DNAJC17: variants seen among roughly 807,000 people sequenced by gnomAD.
DNAJC17 encodes dnaJ homolog subfamily C member 17.
A neutral mutation model predicts 48.1 loss-of-function variants in DNAJC17; 35 were observed. The ratio of observed to expected loss-of-function variants is 0.73; its 90% CI spans 0.56 to 0.96. The LOEUF is 0.96. Among genes scored for constraint, DNAJC17 ranks in the 50% least tolerant of loss-of-function variants. The pLI is 0.00. For missense variants in DNAJC17, 355 were observed against 377.1 expected (o/e 0.94, Z 0.48); for synonymous variants, 117 against 142.7 (o/e 0.82, Z 1.28).
Position 40,767,820 on chromosome 15 carries a change from C to G in DNAJC17, c.*120G>C. 6.3e-6 allele frequency: 9 copies of G among 1,439,358 alleles called. No homozygotes were observed. Among genetic ancestry groups the G allele is most frequent in the Non-Finnish European group, 8.3e-6 (9 of 1,083,050 alleles). The allele number at this position is 1,439,358 out of a possible 1,614,324, so 89.2% of individuals were successfully genotyped here. A position where few individuals can be genotyped will look rare whatever the true frequency, so the allele number is the denominator to read the frequency against. ...GGGCGCCAGGCCTGGGTGGAGCGCTCTGCGGCAGAGCCCAGCACCTTATAC... is the reference window on the plus strand; with the variant it reads ...GGGCGCCAGGCCTGGGTGGAGCGCTGTGCGGCAGAGCCCAGCACCTTATAC... On this transcript the variant is annotated 3_prime_UTR_variant, in exon 11 of 11. Transcript: ENST00000220496.
Position 40,765,855 on chromosome 15 carries a change from A to G in DNAJC17, c.*2085T>C. 6.3e-7 allele frequency: 1 copy of G among 1,584,260 alleles called. No homozygotes were observed. Among genetic ancestry groups the G allele is most frequent in the Non-Finnish European group, 8.6e-7 (1 of 1,160,566 alleles). ...GTGGGCCCCACTATGGTGGGCGATGAACAGTCGGATCCAGAGCTGATGCAG... is the reference window on the plus strand; with the variant it reads ...GTGGGCCCCACTATGGTGGGCGATGGACAGTCGGATCCAGAGCTGATGCAG... On this transcript the variant is annotated 3_prime_UTR_variant, in exon 11 of 11. Transcript: ENST00000220496.
intron 4 of DNAJC17, among the ~76,000 whole-genome samples, chr15:40,778,397 C>T (rs552535420): frequency 2.0e-4 from 30 of 152,218 alleles, no homozygotes; most frequent in Non-Finnish European, 4.4e-5. Flanking sequence ...GGATTACAGG[C>T]ACCCGCCACC....
chr15:40,779,374 TCTGC>T, intron 3 of DNAJC17, 64 bp from the exon 4 acceptor site: 1 of 1,589,514 alleles, frequency 6.3e-7, no homozygotes, highest in Non-Finnish European at 8.6e-7. Context: ...GCCCCGGCAA[TCTGC>T]CTGGCCCCTA....
At chr15:40,784,184 C>G (rs1426496306) in intron 1 of DNAJC17, among the ~76,000 whole-genome samples, 1 of 151,998 alleles carries the variant, frequency 6.6e-6, no homozygotes, top group Non-Finnish European at 1.5e-5. Flanking sequence ...CCACTGCACT[C>G]CAGCCTGGGC....
intron 10 of DNAJC17, 145 bp downstream of exon 10, chr15:40,773,582 C>T (rs1889221030): frequency 1.6e-6 from 1 of 615,414 alleles, no homozygotes; most frequent in South Asian, 2.0e-5. Context: ...CGTGAAATCA[C>T]AGCCCCTCTT....
intron 1 of DNAJC17, among the ~76,000 whole-genome samples, chr15:40,796,011 C>T (rs901065693): frequency 1.3e-5 from 2 of 152,184 alleles, no homozygotes; most frequent in African/African-American, 4.8e-5. Context: ...TCCTACCTAC[C>T]GGGTGGGAAT....
Position 40,779,617 on chromosome 15 carries a change from T to A in DNAJC17, c.149-14A>T, listed in dbSNP as rs745975361. The A allele has an allele frequency of 1.9e-6, 3 of 1,610,562 alleles. No homozygotes were observed. Among genetic ancestry groups the A allele is most frequent in the Non-Finnish European group, 2.5e-6 (3 of 1,179,208 alleles). ...GGAAGAGTTCAGCTAAACATAAGGA[T>A]CAAAAAGACAGAAGAAAAATAAAGT... On this transcript the variant is annotated splice_polypyrimidine_tract_variant and intron_variant, in intron 2 of 10. Transcript: ENST00000220496.
chr15:40,766,109 G>A lies in DNAJC17; in HGVS notation c.*1831C>T, dbSNP rs569757369. On this transcript the variant is annotated 3_prime_UTR_variant, in exon 11 of 11. Transcript: ENST00000220496. Reference sequence around the variant, plus strand: ...CTCCAACATCCCCCCTCTCCCCCACGAGGCTTGCTCTGAAAGCTTTCCACA... The same window carrying A: ...CTCCAACATCCCCCCTCTCCCCCACAAGGCTTGCTCTGAAAGCTTTCCACA... 29 of 428,570 alleles carry A rather than the reference G, an allele frequency of 6.8e-5. No homozygotes were observed. Among genetic ancestry groups the A allele is most frequent in the Non-Finnish European group, 1.1e-4 (25 of 237,100 alleles). 26.5% of individuals were successfully genotyped at this position (428,570 alleles called of 1,614,324 possible).
intron 1 of DNAJC17, 21 bp downstream of exon 1, chr15:40,807,348 C>T: frequency 1.2e-6 from 2 of 1,614,276 alleles, no homozygotes; most frequent in Non-Finnish European, 8.5e-7. Context: ...CAAGATCAGC[C>T]TTCCTCGCCA....
intron 1 of DNAJC17, among the ~76,000 whole-genome samples, chr15:40,801,528 G>A (rs1394948659): frequency 6.6e-6 from 1 of 152,068 alleles, no homozygotes; most frequent in African/African-American, 2.4e-5. Flanking sequence ...AGGCCGAGGT[G>A]GGCGGATCAC....
intron 1 of DNAJC17, among the ~76,000 whole-genome samples, chr15:40,801,298 C>T (rs1479924061): frequency 2.0e-5 from 3 of 151,910 alleles, no homozygotes; most frequent in African/African-American, 7.3e-5. Flanking sequence ...GAAATAAGTG[C>T]TAGAAAAAAG....
chr15:40,793,989 C>G (rs145329528), intron 1 of DNAJC17, among the ~76,000 whole-genome samples: 24 of 152,314 alleles, frequency 1.6e-4, no homozygotes, highest in African/African-American at 5.8e-4. Context: ...ATTTACAATT[C>G]TAACATCTGT....
chr15:40,795,481 T>C (rs137958147), intron 1 of DNAJC17, among the ~76,000 whole-genome samples: 5 of 152,144 alleles, frequency 3.3e-5, no homozygotes, highest in African/African-American at 4.8e-5. Flanking sequence ...TGACACACAA[T>C]AGGCACTTAA....
chr15:40,780,783 C>T (rs934911977), intron 1 of DNAJC17, among the ~76,000 whole-genome samples: 2 of 151,088 alleles, frequency 1.3e-5, no homozygotes, highest in African/African-American at 2.4e-5. Flanking sequence ...CACTACACTC[C>T]GGCCTGGCGA....
chr15:40,781,153 G>GAAA (rs11337976), intron 1 of DNAJC17, among the ~76,000 whole-genome samples: 5 of 88,964 alleles, frequency 5.6e-5, no homozygotes, highest in Admixed American at 1.4e-4. Context: ...CTCCATCTCA[G>GAAA]AAAAAAAAAA....
At position 40,770,730 on chromosome 15, in the gene DNAJC17, C is replaced by G; in HGVS notation, c.793-2668G>C. 1 of 1,545,642 alleles carries G rather than the reference C, an allele frequency of 6.5e-7. No individual in the cohort carries two copies. Among genetic ancestry groups the G allele is most frequent in the Non-Finnish European group, 8.7e-7 (1 of 1,146,926 alleles). ...GCAGCCCCGGGCCACCCTGCTGGCC[C>G]CACCCAAGCCCCCACGCCTCTACCG... is the stretch of plus-strand genomic sequence containing the variant. On this transcript the variant is annotated intron_variant, in intron 10 of 10. Coordinates refer to ENST00000220496, the MANE Select transcript of DNAJC17 (RefSeq NM_018163.3). This position sits in a 1 kb window ranked among gnomAD's most constrained non-coding sequence, Gnocchi z 5.0.
At chr15:40,785,818 T>A (rs1283016208) in intron 1 of DNAJC17, among the ~76,000 whole-genome samples, 12 of 152,198 alleles carry the variant, frequency 7.9e-5, no homozygotes, top group Admixed American at 7.9e-4. Context: ...GTAGAAGGGA[T>A]GGGTAGGTAG....
chr15:40,797,355 G>A (rs1889963076), intron 1 of DNAJC17, among the ~76,000 whole-genome samples: 2 of 152,088 alleles, frequency 1.3e-5, no homozygotes, highest in South Asian at 2.1e-4. Flanking sequence ...GGGCAATAGA[G>A]CGAGACCCTG....
At chr15:40,805,868 A>T (rs116415755) in intron 1 of DNAJC17, among the ~76,000 whole-genome samples, 1,579 of 152,014 alleles carry the variant, frequency 0.01, 26 homozygotes, top group African/African-American at 0.035. Flanking sequence ...TAAAGAATTT[A>T]AAAAATAATA....
Sources: allele counts gnomAD v4.1 joint callset (sites outside exome capture counted in the v4.1 genomes callset), GRCh38; gene constraint gnomAD v4.1.1; non-coding constraint Gnocchi (gnomAD v3.1); transcripts MANE v1.5; gene names NCBI Gene and HGNC (gene_info 2026-07-23, HGNC 2026-07-21).